Variants in ADCY2 observed in about 807,000 individuals in gnomAD.
ADCY2 encodes the protein adenylate cyclase type 2.
Under a neutral mutation model 125.2 loss-of-function variants are expected in ADCY2, and 31 were observed. The observed-to-expected ratio is 0.25, with a 90% CI of 0.19 to 0.33. The LOEUF (loss-of-function observed/expected upper bound fraction) is 0.33, where lower values mean the gene tolerates loss of function less well. Ranked by LOEUF, ADCY2 falls within the 10% of genes least tolerant of loss-of-function variation. The pLI, the probability that ADCY2 is intolerant of heterozygous loss-of-function variation, is 1.00. For missense variants in ADCY2, 904 were observed against 1,418.2 expected, an observed-to-expected ratio of 0.64 and a Z score of 5.82; for synonymous variants, 512 against 548.4, an observed-to-expected ratio of 0.93 and a Z score of 0.93.
At position 7,767,001 on chromosome 5, in the gene ADCY2, T is replaced by G. The variant is rs189065537; in HGVS notation, c.2214+195T>G. ...CCCTTGGGAACTGGCTACACTTATA[T>G]CTGAAAACTTACAATGTTATTGTCA... On this transcript the variant is annotated intron_variant, in intron 17 of 24. Transcript: ENST00000338316. Among the ~76,000 whole-genome samples the G allele has an allele frequency of 2.0e-5, 3 of 152,332 alleles. No individual in the cohort carries two copies. In the East Asian group the frequency reaches 5.8e-4, roughly 29 times the overall value.
In ADCY2 at chr5:7,719,908, C is replaced by A. The variant is rs192244969; in HGVS notation, c.1703+2671C>A. 7.2e-5 allele frequency among the ~76,000 whole-genome samples: 11 copies of A among 152,268 alleles called. No individual in the cohort carries two copies. The East Asian group carries it at 2.1e-3, about 29-fold the overall frequency. ...GTACCTCCTTTGTGGCAAGGACTTG[C>A]ATTCCCATATTCCTGAATAAATCTG... On this transcript the variant is annotated intron_variant, in intron 12 of 24. Transcript: ENST00000338316.
chr5:7,804,021 GCC>G (rs1156404906), intron 21 of ADCY2, among the ~76,000 whole-genome samples: 1 of 104,552 alleles, frequency 9.6e-6, no homozygotes, highest in African/African-American at 3.7e-5. Context: ...CTTCTCTTAG[GCC>G]TCCCATGGAG....
chr5:7,615,347 C>T (rs16878822), intron 3 of ADCY2, among the ~76,000 whole-genome samples: 20 of 152,232 alleles, frequency 1.3e-4, no homozygotes, highest in African/African-American at 1.7e-4. Context: ...GCTGGTTTTC[C>T]GGCCAATAAT....
intron 9 of ADCY2, 25 bp downstream of exon 9, chr5:7,707,863 T>C (rs757036389): frequency 2.5e-6 from 4 of 1,605,492 alleles, no homozygotes; most frequent in Non-Finnish European, 2.6e-6. Context: ...AAAGAGTCTA[T>C]GATGAAAAGG....
chr5:7,398,759 G>A (rs1003719504), intron 1 of ADCY2, among the ~76,000 whole-genome samples: 1 of 152,242 alleles, frequency 6.6e-6, no homozygotes, highest in African/African-American at 2.4e-5. Flanking sequence ...GGACCAAGTC[G>A]GAAGGAGCTA....
chr5:7,766,739 A>C lies in ADCY2; in HGVS notation c.2147A>C (p.Asn716Thr). The C allele has an allele frequency of 6.2e-7, 1 of 1,612,742 alleles. No individual in the cohort carries two copies. Among genetic ancestry groups the C allele is most frequent in the Non-Finnish European group, 8.5e-7 (1 of 1,179,678 alleles). ...ETIPPTANTT[N>T]TSFSASNNQV... Reference sequence around the variant, plus strand: ...ATCCCTCCAACTGCCAACACAACAAACACAAGCTTTTCAGCCTCAAATAAT... The same window carrying C: ...ATCCCTCCAACTGCCAACACAACAACCACAAGCTTTTCAGCCTCAAATAAT... The change falls in exon 17 of 25, where the codon AAC (asparagine) becomes ACC (threonine). Residue 716 changes from asparagine (N) to threonine (T), a missense_variant. Around this residue, in one of 7 missense-constraint regions of ADCY2, gnomAD observed 221 missense variants for 246.2 expected, o/e 0.90. Transcript: ENST00000338316.
rs148164382 is a variant in ADCY2, at chr5:7,825,839, C to T, written c.3124-880C>T. ...TGTCCTAAGGAAGGCGCAGCACACG[C>T]AGAAGCTCAGGGAGCCAGTACTGGA... On this transcript the variant is annotated intron_variant, in intron 24 of 24. Coordinates refer to ENST00000338316, the MANE Select transcript of ADCY2 (RefSeq NM_020546.3). Among the ~76,000 whole-genome samples, 499 of 152,338 alleles carry T rather than the reference C, an allele frequency of 3.3e-3. 3 individuals carry two copies. Among genetic ancestry groups the T allele is most frequent in the African/African-American group, 0.011 (461 of 41,576 alleles).
chr5:7,507,227 G>A (rs192282883), intron 2 of ADCY2, among the ~76,000 whole-genome samples: 2,333 of 146,998 alleles, frequency 0.016, 32 homozygotes, highest in Middle Eastern at 0.052. Flanking sequence ...GGATCACGAG[G>A]TCAGGAGATC....
intron 2 of ADCY2, among the ~76,000 whole-genome samples, chr5:7,420,129 T>C (rs1414261003): frequency 2.0e-5 from 3 of 152,244 alleles, no homozygotes; most frequent in Admixed American, 2.0e-4. Flanking sequence ...TATGGGGGAA[T>C]GCTACTGTCA....
At chr5:7,705,630 T>C (rs530709562) in intron 7 of ADCY2, among the ~76,000 whole-genome samples, 1 of 152,232 alleles carries the variant, frequency 6.6e-6, no homozygotes, top group Non-Finnish European at 1.5e-5. Context: ...GGGGTGGGTC[T>C]CCTTGTCCTG....
At chr5:7,428,105 G>C (rs889357252) in intron 2 of ADCY2, among the ~76,000 whole-genome samples, 1 of 152,178 alleles carries the variant, frequency 6.6e-6, no homozygotes, top group Non-Finnish European at 1.5e-5. Context: ...GGCAGGGGTC[G>C]GGGAGCTGAA....
chr5:7,580,450 ATATAT>A (rs1736393595), intron 3 of ADCY2, among the ~76,000 whole-genome samples: 1 of 152,190 alleles, frequency 6.6e-6, no homozygotes, highest in African/African-American at 2.4e-5. Context: ...TGCAATGTTA[ATATAT>A]TAATGAGTGA....
rs1158618387 is a variant in ADCY2 at position 7,698,394 on chromosome 5, A to G, written c.1109+20A>G. ...CATAAAGTAAGTGGACTGCTTAGTA[A>G]GCATTTTGTTATATGCTTTAAGTTC... On this transcript the variant is annotated intron_variant, in intron 7 of 24. Transcript: ENST00000338316. 3.1e-6 allele frequency: 5 copies of G among 1,613,668 alleles called. No homozygotes were observed. The highest frequency in any genetic ancestry group is 4.2e-6 in the Non-Finnish European group (5 of 1,179,880).
Position 7,709,194 on chromosome 5 carries a change from T to C in ADCY2, c.1402-17T>C. The C allele has an allele frequency of 6.3e-7, 1 of 1,589,066 alleles. No homozygotes were observed. Among genetic ancestry groups the C allele is most frequent in the Non-Finnish European group, 8.6e-7 (1 of 1,167,254 alleles). ...CCTGTGCTGTGCCAGGTGTGATGCT[T>C]TGTTTCTCACCCCAAGGGAGAACGA... On this transcript the variant is annotated splice_polypyrimidine_tract_variant and intron_variant, in intron 9 of 24. Transcript: ENST00000338316. This position sits in a 1 kb window ranked among gnomAD's most constrained non-coding sequence, Gnocchi z 4.4.
chr5:7,743,311 G>T (rs1454529060), intron 14 of ADCY2, among the ~76,000 whole-genome samples: 1 of 151,980 alleles, frequency 6.6e-6, no homozygotes, highest in African/African-American at 2.4e-5. Flanking sequence ...GGCGGCAGCT[G>T]CCAGGATCTC....
At chr5:7,663,437 C>T in intron 4 of ADCY2, among the ~76,000 whole-genome samples, 1 of 152,240 alleles carries the variant, frequency 6.6e-6, no homozygotes, top group East Asian at 1.9e-4. Flanking sequence ...CACGGGGGGG[C>T]CTGGAGCCTA....
chr5:7,625,952 A>G (rs1738105528), intron 3 of ADCY2, among the ~76,000 whole-genome samples: 1 of 152,250 alleles, frequency 6.6e-6, no homozygotes, highest in African/African-American at 2.4e-5. Context: ...CTGCAAAGTC[A>G]TCTACCAAAG....
intron 3 of ADCY2, among the ~76,000 whole-genome samples, chr5:7,563,464 C>T (rs1417885006): frequency 2.0e-5 from 3 of 152,050 alleles, no homozygotes; most frequent in East Asian, 3.9e-4. Flanking sequence ...CAAAGGCACT[C>T]GTTTTTTTGG....
At chr5:7,756,817 A>C (rs1211113295) in intron 15 of ADCY2, among the ~76,000 whole-genome samples, 1 of 152,238 alleles carries the variant, frequency 6.6e-6, no homozygotes, top group East Asian at 1.9e-4. Flanking sequence ...TAAAGGGCAC[A>C]TTTTATATTA....
Sources: allele counts gnomAD v4.1 joint callset (sites outside exome capture counted in the v4.1 genomes callset), GRCh38; gene constraint gnomAD v4.1.1; regional missense constraint gnomAD v4.1.1; non-coding constraint Gnocchi (gnomAD v3.1); transcripts MANE v1.5; gene names NCBI Gene and HGNC (gene_info 2026-07-23, HGNC 2026-07-21).